Variants in PLAC1 observed in about 807,000 individuals in gnomAD.
PLAC1 encodes placenta associated 1.
For synonymous variants in PLAC1, 68 were observed against 62.1 expected (o/e 1.09, Z -0.44); for missense variants, 136 against 163.2 (o/e 0.83, Z 0.91).
At chrX:134,694,021 T>G (rs778767775) in intron 2 of PLAC1, among the ~76,000 whole-genome samples, 2 of 111,750 alleles carry the variant, frequency 1.8e-5, no homozygotes, top group African/African-American at 6.5e-5. Context: ...GTCTCTAATA[T>G]TGAACCTCTC....
chrX:134,642,960 A>AAG (rs910714864), intron 1 of PLAC1, among the ~76,000 whole-genome samples: 1 of 110,116 alleles, frequency 9.1e-6, no homozygotes. Flanking sequence ...GAAGAAGAAA[A>AAG]AGAGAGAGAG....
At chrX:134,613,003 C>T (rs1192928042) in intron 1 of PLAC1, among the ~76,000 whole-genome samples, 2 of 110,515 alleles carry the variant, frequency 1.8e-5, no homozygotes, top group Admixed American at 9.7e-5. Context: ...ATGAAACCAC[C>T]TCACTCATAT....
At chrX:134,629,288 TG>T (rs1569392823) in intron 1 of PLAC1, among the ~76,000 whole-genome samples, 1 of 112,026 alleles carries the variant, frequency 8.9e-6, no homozygotes, top group Non-Finnish European at 1.9e-5. Context: ...TGCCCTCACT[TG>T]GATTTTGCCT....
chrX:134,606,727 TA>T (rs927884910), intron 1 of PLAC1, among the ~76,000 whole-genome samples: 11 of 112,193 alleles, frequency 9.8e-5, no homozygotes, highest in Non-Finnish European at 1.7e-4. Flanking sequence ...TACAGGGAAA[TA>T]AATCATTATA....
intron 1 of PLAC1, among the ~76,000 whole-genome samples, chrX:134,630,778 A>G (rs1453420392): frequency 8.9e-6 from 1 of 112,092 alleles, no homozygotes; most frequent in Non-Finnish European, 1.9e-5. Context: ...CATCTTTGAA[A>G]TGGGAACATT....
chrX:134,605,752 C>T (rs41300299), intron 1 of PLAC1: 2,073 of 111,955 alleles, frequency 0.019, 22 homozygotes, highest in Non-Finnish European at 0.029. Flanking sequence ...TTCCTGCCTT[C>T]CTTCCACCAA....
At chrX:134,735,658 AAG>A (rs369034725) in intron 1 of PLAC1, among the ~76,000 whole-genome samples, 53 of 105,480 alleles carry the variant, frequency 5.0e-4, no homozygotes, top group East Asian at 8.9e-4. Flanking sequence ...AAGAGAGAGG[AAG>A]AGAGAGAGAG....
In PLAC1 at chrX:134,632,844, T is replaced by C. The variant is rs1436065673; in HGVS notation, c.-131+25484A>G. Among the ~76,000 whole-genome samples the C allele has an allele frequency of 2.7e-5, 3 of 111,293 alleles. No homozygotes were observed. The Admixed American group carries it at 2.8e-4, about 11-fold the overall frequency. On this transcript the variant is annotated intron_variant, in intron 1 of 2. Transcript: ENST00000359237. The stretch of plus-strand genomic sequence containing the variant: ...ACCAAAACCAGTGTTGAGGGGAGGC[T>C]GAAGAGAAGGCTCCCCTGATGTGGT...
chrX:134,596,772 CT>C (rs1009903820), intron 2 of PLAC1, among the ~76,000 whole-genome samples: 2 of 109,438 alleles, frequency 1.8e-5, no homozygotes, highest in Admixed American at 9.8e-5. Flanking sequence ...AATTTTTGTA[CT>C]TTTTGCAGAG....
At chrX:134,629,311 T>C (rs1022838379) in intron 1 of PLAC1, among the ~76,000 whole-genome samples, 3 of 111,932 alleles carry the variant, frequency 2.7e-5, no homozygotes, top group African/African-American at 9.8e-5. Flanking sequence ...CAAAGTATTT[T>C]TATTGAGAGT....
chrX:134,705,035 C>CACACAT (rs1223622196), intron 2 of PLAC1, among the ~76,000 whole-genome samples: 2 of 96,968 alleles, frequency 2.1e-5, no homozygotes, highest in African/African-American at 8.3e-5. Context: ...CACACACACA[C>CACACAT]TAATATATAA....
chrX:134,729,312 G>A (rs986615315), intron 2 of PLAC1, among the ~76,000 whole-genome samples: 1 of 112,047 alleles, frequency 8.9e-6, no homozygotes, highest in Non-Finnish European at 1.9e-5. Flanking sequence ...CAGGCACTCT[G>A]CTAAGTGTTT....
intron 2 of PLAC1, among the ~76,000 whole-genome samples, chrX:134,669,340 C>T (rs976955420): frequency 2.7e-5 from 3 of 111,963 alleles, no homozygotes; most frequent in African/African-American, 9.7e-5. Context: ...ATTCCCTAGC[C>T]GTGTGATGTT....
intron 2 of PLAC1, among the ~76,000 whole-genome samples, chrX:134,685,747 G>T (rs769427082): frequency 9.1e-4 from 102 of 111,512 alleles, no homozygotes; most frequent in Non-Finnish European, 1.6e-3. Flanking sequence ...CACCCTAAAA[G>T]CTTGTGTTCC....
At chrX:134,613,317 G>A (rs1261302384) in intron 1 of PLAC1, among the ~76,000 whole-genome samples, 3 of 110,784 alleles carry the variant, frequency 2.7e-5, no homozygotes, top group South Asian at 3.9e-4. Context: ...ACCTGTGAAG[G>A]CTGAGAGAGC....
intron 1 of PLAC1, among the ~76,000 whole-genome samples, chrX:134,624,757 G>A (rs964899116): frequency 2.7e-5 from 3 of 111,406 alleles, no homozygotes; most frequent in African/African-American, 6.5e-5. Flanking sequence ...AGATCCTCTT[G>A]CATTCCCCAG....
At chrX:134,701,954 G>A (rs191579728) in intron 2 of PLAC1, among the ~76,000 whole-genome samples, 17 of 112,102 alleles carry the variant, frequency 1.5e-4, no homozygotes, top group African/African-American at 5.5e-4. Flanking sequence ...GGGAGGCAGA[G>A]GTTGCATTGA....
chrX:134,613,949 T>C (rs2078166633), intron 1 of PLAC1, among the ~76,000 whole-genome samples: 1 of 110,436 alleles, frequency 9.1e-6, no homozygotes, highest in South Asian at 4.0e-4. Context: ...ACCTCTTTAA[T>C]CAAAATTACC....
chrX:134,590,051 C>T (rs962431932), intron 2 of PLAC1, among the ~76,000 whole-genome samples: 13 of 109,475 alleles, frequency 1.2e-4, no homozygotes, highest in South Asian at 4.0e-4. Flanking sequence ...AAAAATTAGC[C>T]GGGCGTGGTG....
Sources: gnomAD v4.1 joint callset for allele counts (sites outside exome capture counted in the v4.1 genomes callset) on GRCh38, gnomAD v4.1.1 for gene constraint, MANE v1.5 for transcripts, NCBI Gene and HGNC (gene_info 2026-07-23, HGNC 2026-07-21) for gene names.